GANC: variants seen among roughly 807,000 people sequenced by gnomAD.
The protein encoded by GANC is neutral alpha-glucosidase C.
Under a neutral mutation model 124.2 loss-of-function variants are expected in GANC, and 117 were observed. That is an observed-to-expected ratio of 0.94 (90% CI 0.81 to 1.10). The LOEUF (loss-of-function observed/expected upper bound fraction) is 1.10. Ranked by LOEUF, GANC falls within the 50% of genes least tolerant of loss-of-function variation. The pLI, the probability that GANC is intolerant of heterozygous loss-of-function variation, is 0.00. For synonymous variants in GANC, 377 were observed against 376.8 expected, an observed-to-expected ratio of 1.00 and a Z score of -0.01; for missense variants, 1,140 against 1,095.0, an observed-to-expected ratio of 1.04 and a Z score of -0.58.
intron 13 of GANC, among the ~76,000 whole-genome samples, chr15:42,328,121 T>C (rs1314317184): frequency 6.6e-6 from 1 of 152,206 alleles, no homozygotes; most frequent in Non-Finnish European, 1.5e-5. Flanking sequence ...ATGCATCTAG[T>C]AAGTGGTGGA....
rs1327661236 is a variant in GANC, at chr15:42,274,518, C to T, written c.29+8C>T. The T allele has an allele frequency of 2.5e-6, 4 of 1,607,102 alleles. No homozygotes were observed. In the South Asian group the frequency reaches 4.5e-5, roughly 18 times the overall value. On this transcript the variant is annotated splice_region_variant and intron_variant, in intron 1 of 23. Coordinates refer to ENST00000318010, the MANE Select transcript of GANC (RefSeq NM_198141.3). ...AGTGAAAGAGGAAATAAGGTAAAGG[C>T]CAAGTGCTTCTGTAGCGAGTGACCC...
intron 16 of GANC, among the ~76,000 whole-genome samples, chr15:42,339,305 A>ACAC (rs2052309658): frequency 2.5e-5 from 3 of 119,172 alleles, no homozygotes; most frequent in African/African-American, 9.7e-5. Flanking sequence ...ACCCCCCTCC[A>ACAC]ACACACACAC....
At chr15:42,299,514 GA>G (rs1349829335) in intron 6 of GANC, among the ~76,000 whole-genome samples, 3 of 152,162 alleles carry the variant, frequency 2.0e-5, no homozygotes, top group Admixed American at 6.5e-5. Context: ...ATATTGGCCT[GA>G]AGTTTTCTTA....
chr15:42,325,734 G>A (rs551651663), intron 11 of GANC, among the ~76,000 whole-genome samples: 251 of 152,262 alleles, frequency 1.6e-3, no homozygotes, highest in African/African-American at 5.8e-3. Flanking sequence ...TTATAAAAGA[G>A]CATTGGCCTG....
At chr15:42,324,160 C>A (rs1182602988) in intron 11 of GANC, among the ~76,000 whole-genome samples, 4 of 151,720 alleles carry the variant, frequency 2.6e-5, no homozygotes, top group East Asian at 1.9e-4. Flanking sequence ...ACACAAATAG[C>A]CAACAAGCAC....
intron 15 of GANC, among the ~76,000 whole-genome samples, chr15:42,332,260 G>C (rs576437251): frequency 6.6e-6 from 1 of 152,042 alleles, no homozygotes; most frequent in Admixed American, 6.6e-5. Flanking sequence ...GTGATTTTGA[G>C]TGATTTTCAT....
intron 22 of GANC, 63 bp from the exon 23 acceptor site, chr15:42,351,266 T>G: frequency 2.7e-6 from 3 of 1,128,094 alleles, no homozygotes; most frequent in Non-Finnish European, 4.0e-6. Context: ...CTGGAGATGT[T>G]GAGCTGGTGG....
At chr15:42,351,228 G>T in intron 22 of GANC, 101 bp from the exon 23 acceptor site, 1 of 779,090 alleles carries the variant, frequency 1.3e-6, no homozygotes. Flanking sequence ...ATGCCTCCAA[G>T]GGACAGATGG....
At chr15:42,321,420 A>C (rs112201067) in intron 10 of GANC, among the ~76,000 whole-genome samples, 1,632 of 152,220 alleles carry the variant, frequency 0.011, 26 homozygotes, top group African/African-American at 0.037. Context: ...TGCTCTATCT[A>C]TTCTTCCTGT....
At chr15:42,303,664 T>A in intron 6 of GANC, among the ~76,000 whole-genome samples, 1 of 32,534 alleles carries the variant, frequency 3.1e-5, no homozygotes, top group African/African-American at 7.2e-5. Context: ...GAGGAATATT[T>A]ACCAAGAAAA....
chr15:42,289,312 C>A (rs1406705998), intron 4 of GANC, among the ~76,000 whole-genome samples: 1 of 152,154 alleles, frequency 6.6e-6, no homozygotes, highest in Non-Finnish European at 1.5e-5. Context: ...CCATGATTTA[C>A]TCATCTCTGA....
At chr15:42,284,882 G>A (rs541447981) in intron 3 of GANC, among the ~76,000 whole-genome samples, 2 of 152,180 alleles carry the variant, frequency 1.3e-5, no homozygotes, top group South Asian at 4.2e-4. Context: ...ATTATTAGAT[G>A]TATGTTCATT....
At chr15:42,348,791 GC>G (rs1162543555) in intron 21 of GANC, among the ~76,000 whole-genome samples, 2 of 152,068 alleles carry the variant, frequency 1.3e-5, no homozygotes, top group Non-Finnish European at 2.9e-5. Flanking sequence ...ATACTCACTT[GC>G]ATTGATATCA....
At chr15:42,314,061 C>T (rs1243631708) in intron 10 of GANC, 2 of 708,608 alleles carry the variant, frequency 2.8e-6, no homozygotes, top group Admixed American at 2.0e-5. Context: ...AGTTCTGTGA[C>T]AGCCTACCTC....
At chr15:42,340,027 C>T in intron 17 of GANC, 115 bp downstream of exon 17, 1 of 1,344,756 alleles carries the variant, frequency 7.4e-7, no homozygotes. Flanking sequence ...AGAAAAGCTA[C>T]ATGTTTAATC....
At position 42,321,986 on chromosome 15, in the gene GANC, G is replaced by C. The variant is rs2052162752; in HGVS notation, c.1259G>C (p.Arg420Thr). Residue 420 changes from arginine to threonine, a missense_variant, in exon 11 of 24, where the codon AGG (arginine) becomes ACG (threonine). Transcript: ENST00000318010. Reference sequence around the variant, plus strand: ...AAAAACAGATTCCCAAACCCCAAGAGGATGCAAGAGCTGCTCAGGAGCAAA... The same window carrying C: ...AAAAACAGATTCCCAAACCCCAAGACGATGCAAGAGCTGCTCAGGAGCAAA... ...WDKNRFPNPKRMQELLRSKKR... is the reference protein window; with the variant it reads ...WDKNRFPNPKTMQELLRSKKR... 2 of 1,613,552 alleles carry C rather than the reference G, an allele frequency of 1.2e-6. No homozygotes were observed. Among genetic ancestry groups the C allele is most frequent in the African/African-American group, 2.7e-5 (2 of 74,926 alleles).
chr15:42,329,293 G>A lies in GANC; in HGVS notation c.1501-13G>A. 6.2e-7 allele frequency: 1 copy of A among 1,608,196 alleles called. No individual in the cohort carries two copies. Among genetic ancestry groups the A allele is most frequent in the Non-Finnish European group, 8.5e-7 (1 of 1,177,744 alleles). On this transcript the variant is annotated splice_polypyrimidine_tract_variant and intron_variant, in intron 13 of 23. Coordinates refer to ENST00000318010, the MANE Select transcript of GANC (RefSeq NM_198141.3). ...TCAATGTAGGAGTGTCATGACCAAG[G>A]TTTACTTCCTAGGGATCTACGGACA... is the stretch of plus-strand genomic sequence containing the variant.
intron 11 of GANC, among the ~76,000 whole-genome samples, chr15:42,322,348 C>T (rs1294418993): frequency 6.6e-6 from 1 of 152,162 alleles, no homozygotes; most frequent in Non-Finnish European, 1.5e-5. Flanking sequence ...ACCACACTTG[C>T]ACTAAGAGTA....
intron 6 of GANC, among the ~76,000 whole-genome samples, chr15:42,305,948 TG>T (rs922415018): frequency 4.3e-5 from 5 of 117,508 alleles, no homozygotes; most frequent in African/African-American, 1.7e-4. Flanking sequence ...TGTTGGGGGA[TG>T]GGGGGCTAGG....
Sources: allele counts gnomAD v4.1 joint callset (sites outside exome capture counted in the v4.1 genomes callset), GRCh38; gene constraint gnomAD v4.1.1; transcripts MANE v1.5; gene names NCBI Gene and HGNC (gene_info 2026-07-23, HGNC 2026-07-21).